VTA1: variants seen among roughly 807,000 people sequenced by gnomAD.
VTA1 encodes the protein vesicle trafficking 1.
VTA1 carries 24 observed loss-of-function variants against 36.9 expected under a neutral mutation model. The observed-to-expected ratio is 0.65, with a 90% CI of 0.47 to 0.91. The LOEUF (loss-of-function observed/expected upper bound fraction) is 0.91, where lower values mean the gene tolerates loss of function less well. Among genes scored for constraint, VTA1 ranks in the 40% least tolerant of loss-of-function variants. The pLI is 0.00. For synonymous variants in VTA1, 142 were observed against 130.2 expected (o/e 1.09, Z -0.62); for missense variants, 393 against 377.2 (o/e 1.04, Z -0.35).
chr6:142,173,114 C>T (rs987595006), intron 4 of VTA1, among the ~76,000 whole-genome samples: 1 of 152,042 alleles, frequency 6.6e-6, no homozygotes, highest in Admixed American at 6.5e-5. Context: ...GCAAGTATGA[C>T]AGCCAAAAAG....
At chr6:142,198,327 A>G (rs1775607542) in intron 5 of VTA1, 112 bp from the exon 6 acceptor site, 2 of 1,016,262 alleles carry the variant, frequency 2.0e-6, no homozygotes, top group Non-Finnish European at 2.7e-6. Flanking sequence ...CCACTGCATT[A>G]AATAGAATTG....
At chr6:142,215,565 G>A (rs1775991482) in intron 7 of VTA1, among the ~76,000 whole-genome samples, 1 of 152,144 alleles carries the variant, frequency 6.6e-6, no homozygotes, top group Non-Finnish European at 1.5e-5. Flanking sequence ...TAAGTGACAT[G>A]TCTCAGCAAT....
intron 1 of VTA1, among the ~76,000 whole-genome samples, chr6:142,157,548 T>G (rs1387799052): frequency 6.6e-6 from 1 of 152,148 alleles, no homozygotes; most frequent in African/African-American, 2.4e-5. Flanking sequence ...TTACATCTCT[T>G]TAGAAAAAAC....
chr6:142,220,507 G>GTT lies in VTA1; in HGVS notation c.*1865_*1866dup. 6.6e-6 allele frequency: 1 copy of GTT among 152,140 alleles called. No individual in the cohort carries two copies. The highest frequency in any genetic ancestry group is 1.5e-5 in the Non-Finnish European group (1 of 68,030). 9.4% of individuals were successfully genotyped at this position (152,140 alleles called of 1,614,324 possible). A position where few individuals can be genotyped will look rare whatever the true frequency, so the allele number is the denominator to read the frequency against. ...AATGACACCACTAGCCATCTCAATA[G>GTT]TTACAAGAATTAAAAGAGATACAGT... On this transcript the variant is annotated 3_prime_UTR_variant, in exon 8 of 8. Transcript: ENST00000367630.
chr6:142,156,922 C>T (rs1778673401), intron 1 of VTA1, among the ~76,000 whole-genome samples: 1 of 152,212 alleles, frequency 6.6e-6, no homozygotes, highest in South Asian at 2.1e-4. Context: ...ACTCCTAGCA[C>T]TTTGGGAGGC....
intron 1 of VTA1, among the ~76,000 whole-genome samples, chr6:142,165,965 G>A (rs1168759855): frequency 6.7e-6 from 1 of 150,366 alleles, no homozygotes; most frequent in Non-Finnish European, 1.5e-5. Context: ...GACAGCTTAG[G>A]ACATACCTAG....
In VTA1 at chr6:142,218,826, T is replaced by C. The variant is rs1488575175; in HGVS notation, c.*183T>C. The C allele has an allele frequency of 1.6e-6, 1 of 627,462 alleles. No homozygotes were observed. Among genetic ancestry groups the C allele is most frequent in the African/African-American group, 1.9e-5 (1 of 52,722 alleles). 38.9% of individuals were successfully genotyped at this position (627,462 alleles called of 1,614,324 possible). On this transcript the variant is annotated 3_prime_UTR_variant, in exon 8 of 8. Coordinates refer to ENST00000367630, the MANE Select transcript of VTA1 (RefSeq NM_016485.5). ...CAGCAGCCTCAACCAGTTTTCATTG[T>C]CCATTTACTAGATTCAATCGTCTCT...
chr6:142,161,721 C>T (rs951436932), intron 1 of VTA1, among the ~76,000 whole-genome samples: 6 of 152,006 alleles, frequency 3.9e-5, no homozygotes, highest in Non-Finnish European at 4.4e-5. Context: ...AATTTTTCAT[C>T]GTATTGCTGC....
chr6:142,214,624 T>C (rs1185669266), intron 7 of VTA1, among the ~76,000 whole-genome samples: 2 of 152,210 alleles, frequency 1.3e-5, no homozygotes, highest in Admixed American at 6.5e-5. Flanking sequence ...ATATATGTCA[T>C]TATAAATTTG....
Position 142,219,311 on chromosome 6 carries a change from G to A in VTA1, c.*668G>A, listed in dbSNP as rs541479257. Reference sequence around the variant, plus strand: ...AGTGCTTTACCTTATCTGTTAAAGCGTAAGATGAATTGGTATTTGCTTCAT... The same window carrying A: ...AGTGCTTTACCTTATCTGTTAAAGCATAAGATGAATTGGTATTTGCTTCAT... On this transcript the variant is annotated 3_prime_UTR_variant, in exon 8 of 8. Coordinates refer to ENST00000367630, the MANE Select transcript of VTA1 (RefSeq NM_016485.5). 6 of 152,254 alleles carry A rather than the reference G, an allele frequency of 3.9e-5. No homozygotes were observed. The highest frequency in any genetic ancestry group is 4.1e-4 in the South Asian group (2 of 4,824). The allele number at this position is 152,254 out of a possible 1,614,324, so 9.4% of individuals were successfully genotyped here.
intron 5 of VTA1, among the ~76,000 whole-genome samples, chr6:142,197,131 C>T (rs768216101): frequency 5.3e-5 from 8 of 152,158 alleles, no homozygotes; most frequent in Non-Finnish European, 8.8e-5. Flanking sequence ...TGGTCATGCT[C>T]TAGTGCCTTT....
At chr6:142,168,546 C>T (rs1314615493) in intron 2 of VTA1, among the ~76,000 whole-genome samples, 1 of 151,522 alleles carries the variant, frequency 6.6e-6, no homozygotes, top group East Asian at 1.9e-4. Flanking sequence ...AAATTAGGAA[C>T]TTTTTTTAAA....
chr6:142,153,286 G>A (rs553289052), intron 1 of VTA1, among the ~76,000 whole-genome samples: 121 of 151,750 alleles, frequency 8.0e-4, no homozygotes, highest in African/African-American at 2.8e-3. Context: ...AGACATGTTA[G>A]ATAACCTGTA....
chr6:142,163,533 T>A (rs1030468767), intron 1 of VTA1, among the ~76,000 whole-genome samples: 17 of 145,792 alleles, frequency 1.2e-4, no homozygotes, highest in South Asian at 4.3e-4. Flanking sequence ...ATGTGAGAAA[T>A]TTTTTTTTTT....
chr6:142,197,932 C>A (rs9496297), intron 5 of VTA1, among the ~76,000 whole-genome samples: 206 of 146,178 alleles, frequency 1.4e-3, no homozygotes, highest in African/African-American at 4.4e-3. Flanking sequence ...AAAAAAAAAA[C>A]CAAAAAAAAA....
chr6:142,218,366 T>G, intron 7 of VTA1, 132 bp from the exon 8 acceptor site: 4 of 893,942 alleles, frequency 4.5e-6, no homozygotes, highest in Non-Finnish European at 6.7e-6. Flanking sequence ...AAAGTTCATG[T>G]GAGATTGACT....
intron 4 of VTA1, among the ~76,000 whole-genome samples, chr6:142,188,406 G>A (rs879941998): frequency 2.6e-4 from 39 of 151,354 alleles, no homozygotes; most frequent in East Asian, 2.1e-3. Flanking sequence ...ATAGAAACAG[G>A]GTTTCACTGT....
In VTA1 at chr6:142,219,196, C is replaced by G. The variant is rs1312680200; in HGVS notation, c.*553C>G. ...ATTTATTCTCATATTAAATATAACT[C>G]CATTAAAAGTTTAAAATTTCATGGG... On this transcript the variant is annotated 3_prime_UTR_variant, in exon 8 of 8. Coordinates refer to ENST00000367630, the MANE Select transcript of VTA1 (RefSeq NM_016485.5). The G allele has an allele frequency of 6.6e-6, 1 of 152,074 alleles. No homozygotes were observed. The highest frequency in any genetic ancestry group is 1.5e-5 in the Non-Finnish European group (1 of 68,000). The allele number at this position is 152,074 out of a possible 1,614,324, so 9.4% of individuals were successfully genotyped here.
intron 1 of VTA1, among the ~76,000 whole-genome samples, chr6:142,161,636 TA>T (rs2114636982): frequency 6.6e-6 from 1 of 152,302 alleles, no homozygotes; most frequent in South Asian, 2.1e-4. Flanking sequence ...ATAAATCAAA[TA>T]TATTTTCTTA....
Sources: allele counts gnomAD v4.1 joint callset (sites outside exome capture counted in the v4.1 genomes callset), GRCh38; gene constraint gnomAD v4.1.1; transcripts MANE v1.5; gene names NCBI Gene and HGNC (gene_info 2026-07-23, HGNC 2026-07-21).